The following ZMYND11 variants were observed in gnomAD, a reference collection of about 807,000 sequenced individuals.
ZMYND11 encodes the protein zinc finger MYND domain-containing protein 11.
A neutral mutation model predicts 84.9 loss-of-function variants in ZMYND11; 9 were observed. The ratio of observed to expected loss-of-function variants is 0.11; its 90% CI spans 0.06 to 0.18. ZMYND11 has a LOEUF of 0.18. Ranked by LOEUF, ZMYND11 falls within the 10% of genes least tolerant of loss-of-function variation. ZMYND11 has a pLI of 1.00. For synonymous variants in ZMYND11, 250 were observed against 244.1 expected, an observed-to-expected ratio of 1.02 and a Z score of -0.23; for missense variants, 409 against 761.0, an observed-to-expected ratio of 0.54 and a Z score of 5.44.
intron 1 of ZMYND11, among the ~76,000 whole-genome samples, chr10:148,916 T>A (rs1206265165): frequency 6.6e-6 from 1 of 152,228 alleles, no homozygotes; most frequent in Non-Finnish European, 1.5e-5. Context: ...TTCTTAAATA[T>A]ACATAATTTT....
intron 6 of ZMYND11, 42 bp downstream of exon 6, chr10:237,719 TTAAC>T (rs553580103): frequency 5.0e-4 from 733 of 1,472,844 alleles, no homozygotes; most frequent in Admixed American, 6.1e-4. Flanking sequence ...GTACATTTTC[TTAAC>T]TAACAAGTTA....
At chr10:236,311 C>G (rs1949956030) in intron 4 of ZMYND11, among the ~76,000 whole-genome samples, 1 of 152,194 alleles carries the variant, frequency 6.6e-6, no homozygotes, top group Admixed American at 6.5e-5. Flanking sequence ...AGCTTGCAGG[C>G]TAGACTAAGA....
At chr10:246,114 T>C (rs1952093626) in intron 10 of ZMYND11, among the ~76,000 whole-genome samples, 1 of 152,158 alleles carries the variant, frequency 6.6e-6, no homozygotes, top group Admixed American at 6.5e-5. Context: ...GAAGCAAATG[T>C]AGTTGTCCTG....
At chr10:145,321 G>A (rs915004865) in intron 1 of ZMYND11, among the ~76,000 whole-genome samples, 3 of 151,512 alleles carry the variant, frequency 2.0e-5, no homozygotes, top group African/African-American at 2.4e-5. Context: ...GGTTGGTTCC[G>A]TATCTTTGCA....
At chr10:243,235 A>G (rs1281491162) in intron 10 of ZMYND11, among the ~76,000 whole-genome samples, 4 of 152,224 alleles carry the variant, frequency 2.6e-5, no homozygotes, top group South Asian at 4.1e-4. Context: ...GTTGCTACAG[A>G]GAGACCTGAG....
intron 1 of ZMYND11, among the ~76,000 whole-genome samples, chr10:171,913 A>G (rs1845418512): frequency 6.6e-6 from 1 of 152,160 alleles, no homozygotes; most frequent in African/African-American, 2.4e-5. Context: ...ACAAAATACC[A>G]CAGACTGGGT....
chr10:193,255 C>T (rs1263123532), intron 2 of ZMYND11, among the ~76,000 whole-genome samples: 1 of 152,118 alleles, frequency 6.6e-6, no homozygotes, highest in Non-Finnish European at 1.5e-5. Context: ...TTATGTTTCA[C>T]TCCATAGTAA....
chr10:248,567 A>C lies in ZMYND11; in HGVS notation c.1459A>C (p.Lys487Gln), dbSNP rs766032803. 1 of 1,613,166 alleles carries C rather than the reference A, an allele frequency of 6.2e-7. No homozygotes were observed. The highest frequency in any genetic ancestry group is 8.5e-7 in the Non-Finnish European group (1 of 1,179,908). The change falls in exon 13 of 15, where the codon AAG becomes CAG. Residue 487 changes from lysine to glutamine, a missense_variant. Physicochemically the swap from Lys to Gln is moderately conservative, Grantham distance 53. Coordinates refer to ENST00000381604, the MANE Select transcript of ZMYND11 (RefSeq NM_001370100.5). ...CAAAGACCGGATGAAGTCGGACCACAAGCGGGAGACAGAGCGTGTTGTCCG... is the reference window on the plus strand; with the variant it reads ...CAAAGACCGGATGAAGTCGGACCACCAGCGGGAGACAGAGCGTGTTGTCCG... Reference protein sequence around the residue: ...DFKDRMKSDHKRETERVVREA... With the variant: ...DFKDRMKSDHQRETERVVREA...
chr10:217,176 CTCTT>C (rs1589027612), intron 3 of ZMYND11, among the ~76,000 whole-genome samples: 1 of 152,170 alleles, frequency 6.6e-6, no homozygotes, highest in Non-Finnish European at 1.5e-5. Context: ...CTGAGCAACT[CTCTT>C]TCTGTGCTTC....
chr10:241,897 T>G, intron 9 of ZMYND11, 124 bp from the exon 10 acceptor site: 1 of 1,229,076 alleles, frequency 8.1e-7, no homozygotes, highest in Non-Finnish European at 1.1e-6. Context: ...CTCGTATGTG[T>G]TTAGGAGTTA....
chr10:253,375 G>A lies in ZMYND11; in HGVS notation c.*905G>A, dbSNP rs753448544. The A allele has an allele frequency of 1.3e-5, 2 of 152,480 alleles. No individual in the cohort carries two copies. The highest frequency in any genetic ancestry group is 2.1e-4 in the South Asian group (1 of 4,830). 9.4% of individuals were successfully genotyped at this position (152,480 alleles called of 1,614,324 possible). On this transcript the variant is annotated 3_prime_UTR_variant, in exon 15 of 15. Transcript: ENST00000381604. ...ATTATCTGGTGTCACCTCATGTATCGTAAGTTAATACTAAAAGAAGAGAAA... is the reference window on the plus strand; with the variant it reads ...ATTATCTGGTGTCACCTCATGTATCATAAGTTAATACTAAAAGAAGAGAAA...
intron 1 of ZMYND11, among the ~76,000 whole-genome samples, chr10:162,996 A>G (rs1843245436): frequency 6.6e-6 from 1 of 152,144 alleles, no homozygotes; most frequent in African/African-American, 2.4e-5. Flanking sequence ...ACAAGGCAAG[A>G]TTGCAGGTTT....
At chr10:220,442 T>TA (rs900480350) in intron 3 of ZMYND11, among the ~76,000 whole-genome samples, 15 of 151,926 alleles carry the variant, frequency 9.9e-5, no homozygotes, top group East Asian at 3.9e-4. Flanking sequence ...ATTAGCTGTA[T>TA]AAAAAAAAGG....
intron 1 of ZMYND11, among the ~76,000 whole-genome samples, chr10:172,158 C>T (rs572611687): frequency 5.1e-4 from 77 of 152,286 alleles, no homozygotes; most frequent in South Asian, 2.7e-3. Flanking sequence ...CCAATCACCT[C>T]CCAAAGTCTT....
At chr10:184,237 A>C (rs944297091) in intron 2 of ZMYND11, among the ~76,000 whole-genome samples, 1 of 152,196 alleles carries the variant, frequency 6.6e-6, no homozygotes, top group African/African-American at 2.4e-5. Context: ...ATACACAGCT[A>C]TTAGAATAAG....
At chr10:227,451 C>CAATTGGGT (rs1392265861) in intron 4 of ZMYND11, among the ~76,000 whole-genome samples, 6 of 152,080 alleles carry the variant, frequency 3.9e-5, no homozygotes, top group Non-Finnish European at 8.8e-5. Context: ...GGAGCTTTAT[C>CAATTGGGT]AATTGGGTAC....
At chr10:168,018 T>A (rs1413403842) in intron 1 of ZMYND11, among the ~76,000 whole-genome samples, 3 of 152,128 alleles carry the variant, frequency 2.0e-5, no homozygotes, top group African/African-American at 4.8e-5. Flanking sequence ...TTTTTTAACA[T>A]CTCAGGTTTG....
chr10:150,733 G>A (rs1395085873), intron 1 of ZMYND11, among the ~76,000 whole-genome samples: 1 of 152,186 alleles, frequency 6.6e-6, no homozygotes, highest in Non-Finnish European at 1.5e-5. Flanking sequence ...TTTGAAGAGA[G>A]TAGTGGTTCT....
At chr10:213,336 T>G (rs1198915075) in intron 3 of ZMYND11, among the ~76,000 whole-genome samples, 1 of 152,206 alleles carries the variant, frequency 6.6e-6, no homozygotes, top group African/African-American at 2.4e-5. Flanking sequence ...TGCCAGCATT[T>G]GAGTCTGGGG....
Sources: allele counts gnomAD v4.1 joint callset (sites outside exome capture counted in the v4.1 genomes callset), GRCh38; gene constraint gnomAD v4.1.1; transcripts MANE v1.5; gene names NCBI Gene and HGNC (gene_info 2026-07-23, HGNC 2026-07-21).